Variants in DENND4C observed in about 807,000 individuals in gnomAD.
The protein encoded by DENND4C is DENN domain-containing protein 4C.
DENND4C carries 108 observed loss-of-function variants against 203.0 expected under a neutral mutation model. That is an observed-to-expected ratio of 0.53 (90% CI 0.46 to 0.62). The LOEUF (loss-of-function observed/expected upper bound fraction) is 0.62. Ranked by LOEUF, DENND4C falls within the 20% of genes least tolerant of loss-of-function variation. DENND4C has a pLI of 0.00. For synonymous variants in DENND4C, 871 were observed against 792.4 expected (o/e 1.10, Z -1.67); for missense variants, 2,481 against 2,301.2 (o/e 1.08, Z -1.60).
intron 1 of DENND4C, among the ~76,000 whole-genome samples, chr9:19,241,194 A>C (rs949354356): frequency 4.6e-5 from 7 of 152,114 alleles, no homozygotes; most frequent in Non-Finnish European, 8.8e-5. Context: ...GGCTACACTA[A>C]ATTCATCAAA....
intron 20 of DENND4C, among the ~76,000 whole-genome samples, chr9:19,338,754 T>C (rs1331890379): frequency 1.3e-5 from 2 of 152,194 alleles, no homozygotes; most frequent in East Asian, 3.8e-4. Flanking sequence ...ACCAGACTTT[T>C]TGAGGGAGCT....
chr9:19,366,984 T>C (rs1827814000), intron 30 of DENND4C, among the ~76,000 whole-genome samples: 1 of 152,214 alleles, frequency 6.6e-6, no homozygotes, highest in Admixed American at 6.5e-5. Flanking sequence ...CTATGTAAAG[T>C]ACTCTTACAA....
intron 20 of DENND4C, among the ~76,000 whole-genome samples, chr9:19,337,270 C>A (rs1820695969): frequency 6.6e-6 from 1 of 152,184 alleles, no homozygotes; most frequent in Non-Finnish European, 1.5e-5. Context: ...TTTTTAAGAT[C>A]TGAGAAGTTA....
intron 1 of DENND4C, among the ~76,000 whole-genome samples, chr9:19,232,462 T>A (rs1462445438): frequency 6.6e-6 from 1 of 152,242 alleles, no homozygotes; most frequent in Non-Finnish European, 1.5e-5. Context: ...AGTACTACTA[T>A]TTAGACTTAC....
Position 19,346,975 on chromosome 9 carries a change from A to T in DENND4C, c.4206A>T (p.Ile1402=), listed in dbSNP as rs1339206096. 1 of 1,614,086 alleles carries T rather than the reference A, an allele frequency of 6.2e-7. No homozygotes were observed. The change falls in exon 23 of 33, where the codon ATA becomes ATT. Residue 1402 remains isoleucine (I), a synonymous_variant. Transcript: ENST00000434457. The part of the protein sequence containing the change: ...NSLSGLKLDN[I]LSGPKIDVLK... ...TGTCAGGGCTAAAGCTGGATAATAT[A>T]CTCTCAGGGCCCAAGATAGATGTCC...
At chr9:19,328,639 C>CTG (rs1818360482) in intron 16 of DENND4C, among the ~76,000 whole-genome samples, 1 of 72,044 alleles carries the variant, frequency 1.4e-5, no homozygotes, top group Non-Finnish European at 3.0e-5. Context: ...ATGTGTCTGT[C>CTG]TGTCTGTCTG....
chr9:19,368,276 TC>T (rs368369230), intron 30 of DENND4C, among the ~76,000 whole-genome samples: 3,504 of 109,216 alleles, frequency 0.032, 96 homozygotes, highest in African/African-American at 0.13. Flanking sequence ...TTTTTTTTTT[TC>T]GGTTTAACAC....
chr9:19,247,615 G>A (rs1404163270), intron 1 of DENND4C, among the ~76,000 whole-genome samples: 2 of 151,998 alleles, frequency 1.3e-5, no homozygotes, highest in Non-Finnish European at 2.9e-5. Context: ...GGCTGGTCTC[G>A]AACACCTGGC....
intron 1 of DENND4C, among the ~76,000 whole-genome samples, chr9:19,250,321 G>A (rs773258616): frequency 6.6e-6 from 1 of 152,148 alleles, no homozygotes; most frequent in South Asian, 2.1e-4. Flanking sequence ...GCGTGCACCT[G>A]TAATCCCAGC....
intron 20 of DENND4C, chr9:19,337,818 C>G: frequency 5.8e-6 from 2 of 344,980 alleles, no homozygotes; most frequent in South Asian, 2.5e-5. Context: ...CATATATAGA[C>G]TCTTGAAAAT....
intron 12 of DENND4C, among the ~76,000 whole-genome samples, chr9:19,317,392 T>C (rs1019791166): frequency 6.6e-6 from 1 of 152,162 alleles, no homozygotes; most frequent in Non-Finnish European, 1.5e-5. Context: ...TTTTGACTAA[T>C]GTAACTTTGT....
At position 19,329,373 on chromosome 9, in the gene DENND4C, G is replaced by A. The variant is rs117706964; in HGVS notation, c.2253+1211G>A. ...GTGTAACATTTCAGGATTCATCCAC[G>A]TAGCAGCATATATCAGTAATAATTT... On this transcript the variant is annotated intron_variant, in intron 16 of 32. Coordinates refer to ENST00000434457, the MANE Select transcript of DENND4C (RefSeq NM_001330640.2). 5.0e-4 allele frequency among the ~76,000 whole-genome samples: 76 copies of A among 152,254 alleles called. 1 individual carries two copies. The East Asian group carries it at 0.012, about 23-fold the overall frequency.
Position 19,334,978 on chromosome 9 carries a change from T to C in DENND4C, c.2462T>C (p.Val821Ala). The C allele has an allele frequency of 6.3e-7, 1 of 1,586,506 alleles. No individual in the cohort carries two copies. Among genetic ancestry groups the C allele is most frequent in the Non-Finnish European group, 8.5e-7 (1 of 1,170,892 alleles). ...ACACTGATTTTTTTTTTTTGTTAGG[T>C]GTGCTATCGAGTAGTGATGCAGCTT... ...RKTDVDPLDE[V>A]CYRVVMQLCG... The change falls in exon 18 of 33, where the codon GTG becomes GCG. Residue 821 changes from valine to alanine, a missense_variant and splice_region_variant. By Grantham distance (64) the Val-to-Ala change is moderately conservative. Coordinates refer to ENST00000434457, the MANE Select transcript of DENND4C (RefSeq NM_001330640.2).
Position 19,268,475 on chromosome 9 carries a change from G to A in DENND4C, c.-17-7683G>A, listed in dbSNP as rs1254626102. On this transcript the variant is annotated intron_variant, in intron 1 of 32. Coordinates refer to ENST00000434457, the MANE Select transcript of DENND4C (RefSeq NM_001330640.2). ...TGAGTAGTTTACACACCAGAATTAC[G>A]GTGTTAATATTCTCTATATGTTTGT... Among the ~76,000 whole-genome samples, 4 of 152,168 alleles carry A rather than the reference G, an allele frequency of 2.6e-5. No individual in the cohort carries two copies. The East Asian group carries it at 7.7e-4, about 29-fold the overall frequency.
At chr9:19,307,855 A>C (rs1032826308) in intron 10 of DENND4C, among the ~76,000 whole-genome samples, 2 of 151,646 alleles carry the variant, frequency 1.3e-5, no homozygotes, top group African/African-American at 4.8e-5. Flanking sequence ...CCTTTCTCCC[A>C]GAGAGGAGCT....
chr9:19,298,047 T>G lies in DENND4C; in HGVS notation c.1041-9T>G. On this transcript the variant is annotated splice_polypyrimidine_tract_variant and intron_variant, in intron 6 of 32. Coordinates refer to ENST00000434457, the MANE Select transcript of DENND4C (RefSeq NM_001330640.2). Reference sequence around the variant, plus strand: ...AATTATTATATTTATTTCAAATTTTTTTTTCTAGGCACATTTCACATTTTA... The same window carrying G: ...AATTATTATATTTATTTCAAATTTTGTTTTCTAGGCACATTTCACATTTTA... 6.2e-7 allele frequency: 1 copy of G among 1,600,858 alleles called. No individual in the cohort carries two copies. The highest frequency in any genetic ancestry group is 8.5e-7 in the Non-Finnish European group (1 of 1,172,962).
intron 1 of DENND4C, among the ~76,000 whole-genome samples, chr9:19,247,260 A>G (rs1825517754): frequency 6.6e-6 from 1 of 152,010 alleles, no homozygotes. Flanking sequence ...ACTTTTCTTT[A>G]TCAGTATTCG....
intron 10 of DENND4C, 43 bp from the exon 11 acceptor site, chr9:19,316,374 A>G (rs1406289800): frequency 1.3e-6 from 2 of 1,528,550 alleles, no homozygotes; most frequent in African/African-American, 1.4e-5. Flanking sequence ...GTAAAAGCAG[A>G]TTATGAATAA....
At chr9:19,277,978 CTTTT>C (rs1230758826) in intron 2 of DENND4C, among the ~76,000 whole-genome samples, 29 of 150,870 alleles carry the variant, frequency 1.9e-4, no homozygotes, top group Non-Finnish European at 1.3e-4. Flanking sequence ...TTGAATCTTT[CTTTT>C]AATATAACTA....
Sources: allele counts gnomAD v4.1 joint callset (sites outside exome capture counted in the v4.1 genomes callset), GRCh38; gene constraint gnomAD v4.1.1; transcripts MANE v1.5; gene names NCBI Gene and HGNC (gene_info 2026-07-23, HGNC 2026-07-21).